Variants in OS9 observed in about 807,000 individuals in gnomAD.
OS9 encodes the protein protein OS-9.
In OS9, 58 loss-of-function variants were observed where a neutral mutation model predicts 84.7. The observed-to-expected ratio is 0.68, with a 90% CI of 0.55 to 0.85. The LOEUF is 0.85. Ranked by LOEUF, OS9 falls within the 40% of genes least tolerant of loss-of-function variation. OS9 has a pLI of 0.00. For synonymous variants in OS9, 278 were observed against 320.8 expected, an observed-to-expected ratio of 0.87 and a Z score of 1.43; for missense variants, 760 against 850.9, an observed-to-expected ratio of 0.89 and a Z score of 1.33.
At position 57,720,916 on chromosome 12, in the gene OS9, C is replaced by T; in HGVS notation, c.*7C>T. 6.2e-7 allele frequency: 1 copy of T among 1,614,086 alleles called. No individual in the cohort carries two copies. Among genetic ancestry groups the T allele is most frequent in the East Asian group, 2.2e-5 (1 of 44,874 alleles). On this transcript the variant is annotated 3_prime_UTR_variant, in exon 15 of 15. Transcript: ENST00000315970. ...GGACGAATTTGACTTCTGAGACCAA[C>T]ACTACACTTGACCCTTCACGGAATC... is the stretch of plus-strand genomic sequence containing the variant.
At chr12:57,720,349 G>A (rs1002194193) in intron 13 of OS9, 57 bp from the exon 14 acceptor site, 24 of 1,586,468 alleles carry the variant, frequency 1.5e-5, no homozygotes, top group Admixed American at 5.0e-5. Flanking sequence ...GGGGCAGGGG[G>A]CCTGCCCTGA....
intron 5 of OS9, among the ~76,000 whole-genome samples, chr12:57,709,896 AGGCTGGAGTGCAGT>A (rs1954277737): frequency 6.6e-6 from 1 of 151,270 alleles, no homozygotes; most frequent in Non-Finnish European, 1.5e-5. Flanking sequence ...TATGTCACCC[AGGCTGGAGTGCAGT>A]GGCATGATCT....
chr12:57,720,305 G>A, intron 13 of OS9, 42 bp downstream of exon 13: 1 of 1,611,760 alleles, frequency 6.2e-7, no homozygotes, highest in Non-Finnish European at 8.5e-7. Flanking sequence ...TGTCGGAAGG[G>A]CAAGCTGCCG....
chr12:57,718,062 A>G, intron 10 of OS9, 84 bp from the exon 11 acceptor site: 1 of 1,529,308 alleles, frequency 6.5e-7, no homozygotes, highest in Non-Finnish European at 9.0e-7. Flanking sequence ...CCAGTACCAC[A>G]CACCTGCTAC....
In OS9 at chr12:57,715,903, G is replaced by A. The variant is rs1049929; in HGVS notation, c.723G>A (p.Pro241=). The change falls in exon 6 of 15, where the codon CCG becomes CCA. Residue 241 remains proline, a synonymous_variant. Transcript: ENST00000315970. ...PLLRPPPSAA[P]QAILCHPSLQ... is the part of the protein sequence containing the mutation. ...TCCGGCCCCCACCCAGTGCTGCACC[G>A]CAGGCCATCCTCTGTCACCCTTCCC... 8.7e-6 allele frequency: 14 copies of A among 1,613,020 alleles called. No homozygotes were observed. Among genetic ancestry groups the A allele is most frequent in the African/African-American group, 1.3e-5 (1 of 74,826 alleles).
intron 14 of OS9, 109 bp downstream of exon 14, chr12:57,720,627 A>G: frequency 3.9e-6 from 5 of 1,271,776 alleles, no homozygotes; most frequent in Non-Finnish European, 5.7e-6. Flanking sequence ...TCTGTAAGAC[A>G]AGGCTGGGGT....
At chr12:57,712,996 T>C (rs1954376364) in intron 5 of OS9, among the ~76,000 whole-genome samples, 1 of 152,194 alleles carries the variant, frequency 6.6e-6, no homozygotes, top group Non-Finnish European at 1.5e-5. Context: ...AGTTGTTCCA[T>C]AGTTTAGTCC....
At chr12:57,715,236 GCCTGTA>G (rs1248465297) in intron 5 of OS9, among the ~76,000 whole-genome samples, 1 of 152,044 alleles carries the variant, frequency 6.6e-6, no homozygotes, top group African/African-American at 2.4e-5. Context: ...GATGGCAGGT[GCCTGTA>G]ATCCCAGCTC....
intron 2 of OS9, 86 bp downstream of exon 2, chr12:57,695,012 T>A: frequency 8.1e-7 from 1 of 1,235,738 alleles, no homozygotes; most frequent in Non-Finnish European, 1.2e-6. Context: ...AGGCAGGATC[T>A]AGGGGACCTG....
Position 57,718,380 on chromosome 12 carries a change from A to C in OS9, c.1369A>C (p.Lys457Gln). 2 of 1,614,122 alleles carry C rather than the reference A, an allele frequency of 1.2e-6. No homozygotes were observed. Among genetic ancestry groups the C allele is most frequent in the Non-Finnish European group, 1.7e-6 (2 of 1,180,010 alleles). The change falls in exon 11 of 15, where the codon AAG (lysine) becomes CAG (glutamine). Residue 457 changes from lysine (K) to glutamine (Q), a missense_variant. Lys to Gln is a moderately conservative substitution (Grantham distance 53, BLOSUM62 1). Coordinates refer to ENST00000315970, the MANE Select transcript of OS9 (RefSeq NM_006812.4). Reference protein sequence around the residue: ...SDRDRLRSEVKAGMERELENI... With the variant: ...SDRDRLRSEVQAGMERELENI... ...CCGAGACCGGCTCCGTTCGGAGGTGAAGGCTGGCATGGAGCGGGAACTGGA... is the reference window on the plus strand; with the variant it reads ...CCGAGACCGGCTCCGTTCGGAGGTGCAGGCTGGCATGGAGCGGGAACTGGA...
chr12:57,696,309 G>A lies in OS9; in HGVS notation c.515G>A (p.Ser172Asn). The change falls in exon 5 of 15, where the codon AGC (serine) becomes AAC (asparagine). Residue 172 changes from serine (S) to asparagine (N), a missense_variant. Coordinates refer to ENST00000315970, the MANE Select transcript of OS9 (RefSeq NM_006812.4). ...CAGCATCGTCTTAAACGCTACCACA[G>A]CCAGACCTATGGCAATGGGTCCAAG... ...SKQHRLKRYH[S>N]QTYGNGSKCD... is the part of the protein sequence containing the mutation. The A allele has an allele frequency of 6.2e-7, 1 of 1,613,762 alleles. No individual in the cohort carries two copies. The highest frequency in any genetic ancestry group is 8.5e-7 in the Non-Finnish European group (1 of 1,179,818).
intron 5 of OS9, among the ~76,000 whole-genome samples, chr12:57,699,401 G>C (rs1186917847): frequency 6.6e-6 from 1 of 152,098 alleles, no homozygotes; most frequent in African/African-American, 2.4e-5. Context: ...AAGTGGGATG[G>C]AACTTCAAGG....
At position 57,719,058 on chromosome 12, in the gene OS9, T is replaced by G. The variant is rs758208014; in HGVS notation, c.1476T>G (p.Ala492=). The part of the protein sequence containing the change: ...KESERDRAML[A]LTSTLNKLIK... ...CAGAGCGGGATCGGGCAATGCTGGC[T>G]CTCACATCCACTCTCAACAAACTCA... The change falls in exon 12 of 15, where the codon GCT becomes GCG. Residue 492 remains alanine, a synonymous_variant. Coordinates refer to ENST00000315970, the MANE Select transcript of OS9 (RefSeq NM_006812.4). 9.9e-6 allele frequency: 16 copies of G among 1,613,972 alleles called. No individual in the cohort carries two copies. Among genetic ancestry groups the G allele is most frequent in the Non-Finnish European group, 1.3e-5 (15 of 1,179,926 alleles).
chr12:57,702,203 C>G (rs2140301574), intron 5 of OS9, among the ~76,000 whole-genome samples: 1 of 152,310 alleles, frequency 6.6e-6, no homozygotes, highest in East Asian at 1.9e-4. Context: ...ACCATCACTA[C>G]TATTTCCAAA....
At chr12:57,713,426 C>T (rs983636767) in intron 5 of OS9, among the ~76,000 whole-genome samples, 23 of 152,144 alleles carry the variant, frequency 1.5e-4, no homozygotes, top group Non-Finnish European at 2.6e-4. Flanking sequence ...TCTGCTCTCT[C>T]GGTTTGCATC....
chr12:57,695,932 A>C (rs754643612), intron 3 of OS9, 30 bp from the exon 4 acceptor site: 1 of 1,582,040 alleles, frequency 6.3e-7, no homozygotes, highest in Non-Finnish European at 8.7e-7. Flanking sequence ...TCTTAAGAGT[A>C]ACAGTGCTTC....
At chr12:57,718,104 T>G in intron 10 of OS9, 42 bp from the exon 11 acceptor site, 1 of 1,595,734 alleles carries the variant, frequency 6.3e-7, no homozygotes, top group Non-Finnish European at 8.6e-7. Flanking sequence ...GTGTCTCTGT[T>G]GAAACCCCAA....
At chr12:57,698,260 C>T (rs1953924014) in intron 5 of OS9, among the ~76,000 whole-genome samples, 1 of 152,080 alleles carries the variant, frequency 6.6e-6, no homozygotes. Context: ...GTTCCTTCAC[C>T]ACTTAATAAT....
rs771655938 is a variant in OS9, at chr12:57,720,463, G to A, written c.1823G>A (p.Arg608His). Residue 608 changes from arginine (R) to histidine (H), a missense_variant, in exon 14 of 15, where the codon CGT becomes CAT. Coordinates refer to ENST00000315970, the MANE Select transcript of OS9 (RefSeq NM_006812.4). The part of the protein sequence containing the change: ...PWAEGTEEGA[R>H]WLTDEDTRNL... ...GCTGAAGGGACTGAAGAGGGTGCACGTTGGCTGACTGATGAGGACACGAGA... is the reference window on the plus strand; with the variant it reads ...GCTGAAGGGACTGAAGAGGGTGCACATTGGCTGACTGATGAGGACACGAGA... The A allele has an allele frequency of 8.1e-6, 13 of 1,613,976 alleles. No homozygotes were observed. The highest frequency in any genetic ancestry group is 1.6e-4 in the Middle Eastern group (1 of 6,084).
Sources: allele counts gnomAD v4.1 joint callset (sites outside exome capture counted in the v4.1 genomes callset), GRCh38; gene constraint gnomAD v4.1.1; transcripts MANE v1.5; gene names NCBI Gene and HGNC (gene_info 2026-07-23, HGNC 2026-07-21).